The following ADAMTS12 variants were observed in gnomAD, a reference collection of about 807,000 sequenced individuals.
ADAMTS12 encodes the protein A disintegrin and metalloproteinase with thrombospondin motifs 12.
ADAMTS12 carries 118 observed loss-of-function variants against 167.8 expected under a neutral mutation model. The ratio of observed to expected loss-of-function variants is 0.70; its 90% CI spans 0.61 to 0.82. The LOEUF is 0.82. Among genes scored for constraint, ADAMTS12 ranks in the 40% least tolerant of loss-of-function variants. ADAMTS12 has a pLI of 0.00. For synonymous variants in ADAMTS12, 704 were observed against 716.9 expected (o/e 0.98, Z 0.29); for missense variants, 1,916 against 1,998.8 (o/e 0.96, Z 0.79).
At chr5:33,644,130 A>G (rs1740576254) in intron 9 of ADAMTS12, among the ~76,000 whole-genome samples, 1 of 152,140 alleles carries the variant, frequency 6.6e-6, no homozygotes, top group East Asian at 1.9e-4. Context: ...ATTGTGTTCT[A>G]CACTGCATGT....
At chr5:33,760,879 C>CTGTGTGTGTGTGTGTGTGTGTGTGTG (rs61110268) in intron 2 of ADAMTS12, among the ~76,000 whole-genome samples, 1 of 145,468 alleles carries the variant, frequency 6.9e-6, no homozygotes, top group African/African-American at 2.6e-5. Context: ...TGTCTTTGCT[C>CTGTGTGTGTGTGTGTGTGTGTGTGTG]TGTGTGTGTG....
intron 19 of ADAMTS12, 48 bp downstream of exon 19, chr5:33,576,006 C>T: frequency 1.9e-6 from 3 of 1,553,006 alleles, no homozygotes; most frequent in African/African-American, 1.4e-5. Context: ...TTTAACACTC[C>T]TAGCTTTTTT....
chr5:33,665,170 T>A (rs1341944880), intron 5 of ADAMTS12, among the ~76,000 whole-genome samples: 1 of 152,042 alleles, frequency 6.6e-6, no homozygotes, highest in Non-Finnish European at 1.5e-5. Flanking sequence ...GGAAGACAAA[T>A]ACCACATGAT....
chr5:33,568,026 A>G (rs1460503558), intron 19 of ADAMTS12, among the ~76,000 whole-genome samples: 2 of 152,196 alleles, frequency 1.3e-5, no homozygotes, highest in Non-Finnish European at 2.9e-5. Flanking sequence ...AATACTACCA[A>G]TCTCCTGACA....
intron 23 of ADAMTS12, among the ~76,000 whole-genome samples, chr5:33,529,336 G>C (rs1398504697): frequency 6.6e-6 from 1 of 152,172 alleles, no homozygotes; most frequent in Non-Finnish European, 1.5e-5. Context: ...ATTTGTACGG[G>C]TGGTTCTCAG....
chr5:33,705,386 T>G (rs1253089870), intron 3 of ADAMTS12, among the ~76,000 whole-genome samples: 3 of 152,106 alleles, frequency 2.0e-5, no homozygotes, highest in Non-Finnish European at 4.4e-5. Flanking sequence ...GATTGTTTTT[T>G]GCTGTTGAGT....
chr5:33,694,478 AC>A (rs149808674), intron 3 of ADAMTS12, among the ~76,000 whole-genome samples: 5,441 of 152,328 alleles, frequency 0.036, 324 homozygotes, highest in African/African-American at 0.13. Flanking sequence ...GAGAAAAATT[AC>A]CCTTTTGGTA....
At chr5:33,595,446 A>C (rs570533234) in intron 17 of ADAMTS12, among the ~76,000 whole-genome samples, 70 of 152,304 alleles carry the variant, frequency 4.6e-4, no homozygotes, top group African/African-American at 1.7e-3. Flanking sequence ...ATTCACGGAC[A>C]GCCCCCCACA....
intron 13 of ADAMTS12, among the ~76,000 whole-genome samples, chr5:33,627,756 C>T (rs542195941): frequency 7.9e-5 from 12 of 152,150 alleles, no homozygotes; most frequent in South Asian, 2.1e-4. Flanking sequence ...GTATTCTGAA[C>T]GTAGATCTAG....
chr5:33,555,408 G>A (rs1009278600), intron 20 of ADAMTS12, among the ~76,000 whole-genome samples: 2 of 152,046 alleles, frequency 1.3e-5, no homozygotes, highest in African/African-American at 2.4e-5. Flanking sequence ...TACCAAGCCG[G>A]GCTAAGTTTT....
chr5:33,647,278 C>G (rs960596948), intron 9 of ADAMTS12, among the ~76,000 whole-genome samples: 1 of 152,148 alleles, frequency 6.6e-6, no homozygotes, highest in South Asian at 2.1e-4. Context: ...AGATATTCTA[C>G]TCACAGGGGA....
chr5:33,690,514 G>T (rs1285072231), intron 3 of ADAMTS12, among the ~76,000 whole-genome samples: 1 of 151,650 alleles, frequency 6.6e-6, no homozygotes, highest in Admixed American at 6.6e-5. Flanking sequence ...GGTCCTGCCT[G>T]ACACTGCACT....
rs944467781 is a variant in ADAMTS12, at chr5:33,654,199, C to T, written c.1190+3985G>A. ...TTTCTTAGCTGACACATTATTTTTT[C>T]ATTTGTTTAAAGGTTGTTGATAATT... On this transcript the variant is annotated intron_variant, in intron 7 of 23. Transcript: ENST00000504830. Among the ~76,000 whole-genome samples the T allele has an allele frequency of 2.6e-5, 4 of 151,936 alleles. No individual in the cohort carries two copies. The East Asian group carries it at 7.7e-4, about 29-fold the overall frequency.
At chr5:33,862,941 C>A (rs1270808006) in intron 2 of ADAMTS12, among the ~76,000 whole-genome samples, 9 of 152,056 alleles carry the variant, frequency 5.9e-5, no homozygotes, top group Non-Finnish European at 1.3e-4. Flanking sequence ...ACGACAAAAA[C>A]CACATGATTA....
At chr5:33,839,128 G>C (rs1489007449) in intron 2 of ADAMTS12, among the ~76,000 whole-genome samples, 4 of 152,188 alleles carry the variant, frequency 2.6e-5, no homozygotes, top group Non-Finnish European at 5.9e-5. Flanking sequence ...TTGAGATCAA[G>C]ATCACAGGAG....
chr5:33,878,847 C>A lies in ADAMTS12; in HGVS notation c.489+2272G>T, dbSNP rs534361305. Among the ~76,000 whole-genome samples the A allele has an allele frequency of 9.2e-5, 14 of 152,304 alleles. No homozygotes were observed. In the East Asian group the frequency reaches 2.7e-3, roughly 29 times the overall value. ...GTTGGTGCATGGGTCCATTTTAAAG[C>A]TAGCCAGCTAGTCTTCATGTTGAGC... On this transcript the variant is annotated intron_variant, in intron 2 of 23. Coordinates refer to ENST00000504830, the MANE Select transcript of ADAMTS12 (RefSeq NM_030955.4).
At chr5:33,789,229 C>T (rs1402387143) in intron 2 of ADAMTS12, among the ~76,000 whole-genome samples, 1 of 152,180 alleles carries the variant, frequency 6.6e-6, no homozygotes, top group African/African-American at 2.4e-5. Flanking sequence ...GTGTCCCAGG[C>T]CCAAGGCCTC....
At chr5:33,824,985 G>A (rs4866387) in intron 2 of ADAMTS12, among the ~76,000 whole-genome samples, 85,681 of 151,924 alleles carry the variant, frequency 0.56, 24,768 homozygotes, top group Non-Finnish European at 0.64. Flanking sequence ...TTTCTTGGAG[G>A]GGAGCCATCC....
intron 2 of ADAMTS12, among the ~76,000 whole-genome samples, chr5:33,756,472 C>A (rs1003707515): frequency 8.5e-5 from 13 of 152,300 alleles, no homozygotes; most frequent in African/African-American, 2.6e-4. Context: ...TGCTGGTTTG[C>A]AAGAGACAGT....
Sources: gnomAD v4.1 joint callset for allele counts (sites outside exome capture counted in the v4.1 genomes callset) on GRCh38, gnomAD v4.1.1 for gene constraint, MANE v1.5 for transcripts, NCBI Gene and HGNC (gene_info 2026-07-23, HGNC 2026-07-21) for gene names.